Variants in SLC24A2 observed in about 807,000 individuals in gnomAD.
The protein encoded by SLC24A2 is solute carrier family 24 member 2.
Under a neutral mutation model 62.0 loss-of-function variants are expected in SLC24A2, and 36 were observed. That is an observed-to-expected ratio of 0.58 (90% confidence interval 0.44 to 0.77). The LOEUF (loss-of-function observed/expected upper bound fraction) is 0.77, where lower values mean the gene tolerates loss of function less well. SLC24A2 is among the 30% of genes least tolerant of loss of function. The probability of loss-of-function intolerance (pLI) is 0.00; values close to 1 mark genes in which losing one functional copy is unlikely to be tolerated. For synonymous variants in SLC24A2, 358 were observed against 294.0 expected (o/e 1.22, Z -2.23); for missense variants, 846 against 817.9 (o/e 1.03, Z -0.42).
At chr9:20,047,434 A>G in the SLC24A2 span, among the ~76,000 whole-genome samples, 19 of 151,790 alleles carry the variant, frequency 1.3e-4, no homozygotes, top group African/African-American at 3.9e-4. Context: ...CATTATTAAG[A>G]TAAGGGGATG....
the SLC24A2 span, among the ~76,000 whole-genome samples, chr9:20,114,710 GT>G: frequency 6.6e-6 from 1 of 152,108 alleles, no homozygotes; most frequent in South Asian, 2.1e-4. Flanking sequence ...GCACCAACCA[GT>G]GGGGTCACGC....
chr9:19,930,050 TAAA>T, the SLC24A2 span: 1 of 152,210 alleles, frequency 6.6e-6, no homozygotes, highest in Non-Finnish European at 1.5e-5. Context: ...GTTTATAAAG[TAAA>T]AAACTTTATA....
the SLC24A2 span, among the ~76,000 whole-genome samples, chr9:19,880,808 C>A: frequency 6.6e-6 from 1 of 152,066 alleles, no homozygotes; most frequent in African/African-American, 2.4e-5. Flanking sequence ...AACGATCAAA[C>A]CAAAGATTTT....
At chr9:19,695,404 A>G (rs967722156) in intron 2 of SLC24A2, among the ~76,000 whole-genome samples, 1 of 152,140 alleles carries the variant, frequency 6.6e-6, no homozygotes, top group Admixed American at 6.6e-5. Context: ...AGCCCTCACA[A>G]TGAAAGTCAA....
At chr9:19,938,369 G>A in the SLC24A2 span, among the ~76,000 whole-genome samples, 1 of 152,208 alleles carries the variant, frequency 6.6e-6, no homozygotes, top group Non-Finnish European at 1.5e-5. Flanking sequence ...AAACTGGATA[G>A]ACATTTTTTA....
At position 19,721,907 on chromosome 9, in the gene SLC24A2, C is replaced by CT. The variant is rs34833099; in HGVS notation, c.930+64029dup. On this transcript the variant is annotated intron_variant, in intron 2 of 10. Coordinates refer to ENST00000341998, the MANE Select transcript of SLC24A2 (RefSeq NM_020344.4). ...GTCACTAAATTAGTGAGGTTCATTG[C>CT]TTTTTTTCAGATAAATAGACCTCAT... 3.3e-5 allele frequency among the ~76,000 whole-genome samples: 5 copies of CT among 152,168 alleles called. No individual in the cohort carries two copies. The South Asian group carries it at 6.2e-4, about 19-fold the overall frequency.
At chr9:20,293,860 A>G in the SLC24A2 span, among the ~76,000 whole-genome samples, 2 of 152,112 alleles carry the variant, frequency 1.3e-5, no homozygotes, top group Non-Finnish European at 2.9e-5. Flanking sequence ...TCCTTTCTTC[A>G]GCAGAGATCA....
chr9:19,692,441 C>T (rs986453573), intron 2 of SLC24A2, among the ~76,000 whole-genome samples: 1 of 152,058 alleles, frequency 6.6e-6, no homozygotes, highest in Non-Finnish European at 1.5e-5. Context: ...GACTGTAATA[C>T]CATACGACAA....
the SLC24A2 span, among the ~76,000 whole-genome samples, chr9:19,918,140 ATGTGTGTGTG>A: frequency 8.1e-5 from 12 of 147,942 alleles, no homozygotes; most frequent in Non-Finnish European, 1.5e-4. Flanking sequence ...AACTGACATT[ATGTGTGTGTG>A]TGTGTGTGTG....
upstream of SLC24A2, among the ~76,000 whole-genome samples, chr9:19,793,923 T>A (rs1323791757): frequency 6.6e-6 from 1 of 152,226 alleles, no homozygotes; most frequent in Non-Finnish European, 1.5e-5. Flanking sequence ...AATATCAAAA[T>A]ATCCTGATGT....
At position 19,540,446 on chromosome 9, in the gene SLC24A2, A is replaced by G. The variant is rs1263812264; in HGVS notation, c.1479+9691T>C. Reference sequence around the variant, plus strand: ...CATTTGCTTGTCTATAAAGTATTTTATTTCTCCTTCACTTATGAAGCTTAG... The same window carrying G: ...CATTTGCTTGTCTATAAAGTATTTTGTTTCTCCTTCACTTATGAAGCTTAG... On this transcript the variant is annotated intron_variant, in intron 8 of 10. Transcript: ENST00000341998. 4.0e-5 allele frequency among the ~76,000 whole-genome samples: 6 copies of G among 150,380 alleles called. No individual in the cohort carries two copies. In the East Asian group the frequency reaches 7.8e-4, roughly 20 times the overall value.
At chr9:20,080,446 C>T in the SLC24A2 span, among the ~76,000 whole-genome samples, 8 of 152,118 alleles carry the variant, frequency 5.3e-5, no homozygotes, top group Non-Finnish European at 1.0e-4. Flanking sequence ...GAAACTGGAT[C>T]CCTTCCTTAC....
intron 2 of SLC24A2, among the ~76,000 whole-genome samples, chr9:19,631,213 T>C (rs985519682): frequency 6.6e-6 from 1 of 152,224 alleles, no homozygotes; most frequent in East Asian, 1.9e-4. Context: ...TCAGATCTTA[T>C]ATATTTTTAA....
At chr9:19,935,865 T>G in the SLC24A2 span, among the ~76,000 whole-genome samples, 1 of 152,282 alleles carries the variant, frequency 6.6e-6, no homozygotes, top group African/African-American at 2.4e-5. Context: ...TCCATTACCC[T>G]GAGCCCTCGA....
chr9:20,220,946 T>A, the SLC24A2 span, among the ~76,000 whole-genome samples: 1 of 152,130 alleles, frequency 6.6e-6, no homozygotes, highest in African/African-American at 2.4e-5. Flanking sequence ...ACATATGTAT[T>A]CCTTTACAAA....
At chr9:19,995,409 G>T in the SLC24A2 span, among the ~76,000 whole-genome samples, 3 of 152,076 alleles carry the variant, frequency 2.0e-5, no homozygotes, top group Non-Finnish European at 1.5e-5. Context: ...TCTGGGGAAG[G>T]AAAGAAAAAC....
the SLC24A2 span, among the ~76,000 whole-genome samples, chr9:20,024,506 T>G: frequency 6.6e-6 from 1 of 152,190 alleles, no homozygotes; most frequent in African/African-American, 2.4e-5. Flanking sequence ...TTGACAGCCT[T>G]TCTACATTAA....
At chr9:19,706,600 G>A (rs1249935640) in intron 2 of SLC24A2, among the ~76,000 whole-genome samples, 4 of 151,934 alleles carry the variant, frequency 2.6e-5, no homozygotes, top group African/African-American at 2.4e-5. Flanking sequence ...GGATGGTCTC[G>A]ATCTCCTGAC....
the SLC24A2 span, among the ~76,000 whole-genome samples, chr9:19,845,163 A>G: frequency 3.5e-3 from 528 of 152,170 alleles, 2 homozygotes; most frequent in African/African-American, 0.012. Context: ...ACGTTTTTCC[A>G]TTTGTTTTTG....
Sources: allele counts gnomAD v4.1 joint callset (sites outside exome capture counted in the v4.1 genomes callset), GRCh38; gene constraint gnomAD v4.1.1; transcripts MANE v1.5; gene names NCBI Gene and HGNC (gene_info 2026-07-23, HGNC 2026-07-21).